The following LONP2 variants were observed in gnomAD, a reference collection of about 807,000 sequenced individuals.
The protein encoded by LONP2 is lon peptidase 2, peroxisomal, also known as lon protease homolog 2, peroxisomal.
In LONP2, 60 loss-of-function variants were observed where a neutral mutation model predicts 85.6. That is an observed-to-expected ratio of 0.70 (90% CI 0.57 to 0.87). The LOEUF is 0.87. Ranked by LOEUF, LONP2 falls within the 40% of genes least tolerant of loss-of-function variation. The probability of loss-of-function intolerance (pLI) is 0.00; values close to 1 mark genes in which losing one functional copy is unlikely to be tolerated. For missense variants in LONP2, 860 were observed against 1,063.5 expected (o/e 0.81, Z 2.66); for synonymous variants, 395 against 389.7 (o/e 1.01, Z -0.16).
intron 11 of LONP2, among the ~76,000 whole-genome samples, chr16:48,319,425 A>G (rs1973216038): frequency 6.6e-6 from 1 of 152,122 alleles, no homozygotes; most frequent in Admixed American, 6.5e-5. Context: ...ACTTTTTGCT[A>G]AATTCCTGTC....
At chr16:48,258,863 C>T (rs1309268949) in intron 4 of LONP2, 123 bp downstream of exon 4, 1 of 870,966 alleles carries the variant, frequency 1.1e-6, no homozygotes, top group Non-Finnish European at 1.6e-6. Context: ...TAGGTGTTTC[C>T]CTCTCATCCT....
intron 2 of LONP2, 142 bp from the exon 3 acceptor site, chr16:48,256,468 A>G: frequency 1.3e-6 from 1 of 785,426 alleles, no homozygotes; most frequent in Non-Finnish European, 2.1e-6. Context: ...TGAGGCCTGT[A>G]AAATACGTGG....
rs752383839 is a variant in LONP2, at chr16:48,299,760, C to A, written c.1633C>A (p.Gln545Lys). The A allele has an allele frequency of 7.4e-6, 12 of 1,613,408 alleles. No individual in the cohort carries two copies. Among genetic ancestry groups the A allele is most frequent in the Middle Eastern group, 1.6e-4 (1 of 6,080 alleles). Residue 545 changes from glutamine to lysine, a missense_variant, in exon 10 of 15, where the codon CAG (glutamine) becomes AAG (lysine). Gln to Lys is a moderately conservative substitution (Grantham distance 53). Coordinates refer to ENST00000285737, the MANE Select transcript of LONP2 (RefSeq NM_031490.5). ...GLTPQQIQIP[Q>K]VTTLDIITRY... ...GACTCCACAGCAGATTCAGATACCC[C>A]AGGTCACCACTCTTGACATCATCAC...
At chr16:48,359,377 A>AACAG (rs1470960706), downstream of LONP2, among the ~76,000 whole-genome samples, 1 of 152,268 alleles carries the variant, frequency 6.6e-6, no homozygotes, top group African/African-American at 2.4e-5. Flanking sequence ...CATGCTAATG[A>AACAG]ACAGACTTGA....
chr16:48,319,665 G>A (rs1050640757), intron 11 of LONP2, among the ~76,000 whole-genome samples: 3 of 152,140 alleles, frequency 2.0e-5, no homozygotes, highest in African/African-American at 7.2e-5. Context: ...GCTTCTCCCA[G>A]AGGGAATGAT....
At chr16:48,254,182 G>C (rs1266727595) in intron 2 of LONP2, among the ~76,000 whole-genome samples, 1 of 152,154 alleles carries the variant, frequency 6.6e-6, no homozygotes, top group Non-Finnish European at 1.5e-5. Context: ...AAATTTCTTA[G>C]TATAACATTA....
chr16:48,304,576 C>T lies in LONP2; in HGVS notation c.1795+1271C>T, dbSNP rs867267436. On this transcript the variant is annotated intron_variant, in intron 11 of 14. Transcript: ENST00000285737. ...AAAATTAGCCAGGCGTGGTGTTGGG[C>T]GCCTGTAGTCCCCGCTACTCTGGAG... Among the ~76,000 whole-genome samples the T allele has an allele frequency of 8.6e-5, 13 of 152,018 alleles. No homozygotes were observed. In the Middle Eastern group the frequency reaches 0.01, roughly 120 times the overall value.
downstream of LONP2, among the ~76,000 whole-genome samples, chr16:48,358,872 A>C (rs1255202000): frequency 2.6e-5 from 4 of 152,242 alleles, no homozygotes; most frequent in Non-Finnish European, 5.9e-5. Context: ...TGGACAGTTA[A>C]GATTACACAT....
At chr16:48,261,043 AT>A (rs1479973479) in intron 4 of LONP2, among the ~76,000 whole-genome samples, 8 of 152,148 alleles carry the variant, frequency 5.3e-5, no homozygotes, top group Non-Finnish European at 1.0e-4. Flanking sequence ...ATAAAATGGA[AT>A]TTTTTTCAGT....
chr16:48,285,459 GTATTA>G (rs1315646389), intron 8 of LONP2, among the ~76,000 whole-genome samples: 1 of 151,804 alleles, frequency 6.6e-6, no homozygotes, highest in Non-Finnish European at 1.5e-5. Flanking sequence ...TCTGAAACTC[GTATTA>G]TGGTGTGTTG....
At chr16:48,340,511 C>A (rs1396585333) in intron 12 of LONP2, among the ~76,000 whole-genome samples, 1 of 152,172 alleles carries the variant, frequency 6.6e-6, no homozygotes, top group Admixed American at 6.5e-5. Flanking sequence ...GATGAATCTA[C>A]AAAAATATAT....
At chr16:48,304,635 C>T (rs1972874380) in intron 11 of LONP2, among the ~76,000 whole-genome samples, 1 of 152,154 alleles carries the variant, frequency 6.6e-6, no homozygotes, top group Admixed American at 6.5e-5. Context: ...GCCCAAAAGT[C>T]AGAGGTTGCA....
chr16:48,347,429 C>A, intron 12 of LONP2, 78 bp from the exon 13 acceptor site: 1 of 1,411,950 alleles, frequency 7.1e-7, no homozygotes, highest in Non-Finnish European at 1.0e-6. Context: ...TGGAGTCAGC[C>A]GACTCTTGCA....
intron 2 of LONP2, among the ~76,000 whole-genome samples, chr16:48,255,957 T>C (rs1275698937): frequency 6.6e-6 from 1 of 152,168 alleles, no homozygotes; most frequent in Non-Finnish European, 1.5e-5. Flanking sequence ...CAAAATGTTA[T>C]ACTAAATATT....
At chr16:48,269,882 A>C (rs1972066252) in intron 6 of LONP2, 134 bp from the exon 7 acceptor site, 1 of 897,264 alleles carries the variant, frequency 1.1e-6, no homozygotes, top group African/African-American at 1.7e-5. Context: ...TAGAATCCTC[A>C]TCTAGAAAGA....
chr16:48,266,663 C>G (rs1167654995), intron 6 of LONP2, among the ~76,000 whole-genome samples: 1 of 152,078 alleles, frequency 6.6e-6, no homozygotes, highest in Non-Finnish European at 1.5e-5. Flanking sequence ...GAGGTTCATC[C>G]ATGTTGCTGT....
At chr16:48,261,354 A>G (rs574182810) in intron 4 of LONP2, 70 bp from the exon 5 acceptor site, 2 of 1,126,956 alleles carry the variant, frequency 1.8e-6, no homozygotes, top group Non-Finnish European at 2.5e-6. Flanking sequence ...TCATAATCTT[A>G]TGTGTACCTG....
intron 10 of LONP2, among the ~76,000 whole-genome samples, chr16:48,301,143 A>T (rs1196969515): frequency 6.6e-6 from 1 of 152,166 alleles, no homozygotes; most frequent in Non-Finnish European, 1.5e-5. Flanking sequence ...TGAGTTACCA[A>T]ACTTAGGACA....
intron 6 of LONP2, among the ~76,000 whole-genome samples, chr16:48,267,064 G>C (rs1206957707): frequency 6.6e-6 from 1 of 152,106 alleles, no homozygotes; most frequent in Non-Finnish European, 1.5e-5. Flanking sequence ...CTGCCTTTTA[G>C]TTGAAAGGAA....
Sources: allele counts gnomAD v4.1 joint callset (sites outside exome capture counted in the v4.1 genomes callset), GRCh38; gene constraint gnomAD v4.1.1; transcripts MANE v1.5; gene names NCBI Gene and HGNC (gene_info 2026-07-23, HGNC 2026-07-21).